Variants in ERBB4 observed in about 807,000 individuals in gnomAD.
The protein encoded by ERBB4 is erb-b2 receptor tyrosine kinase 4, also known as receptor tyrosine-protein kinase erbB-4.
A neutral mutation model predicts 158.0 loss-of-function variants in ERBB4; 42 were observed. That is an observed-to-expected ratio of 0.27 (90% CI 0.21 to 0.34). The LOEUF is 0.34. ERBB4 is among the 10% of genes least tolerant of loss of function. The pLI is 1.00. For missense variants in ERBB4, 1,333 were observed against 1,624.1 expected (o/e 0.82, Z 3.08); for synonymous variants, 583 against 558.7 (o/e 1.04, Z -0.61).
intron 4 of ERBB4, among the ~76,000 whole-genome samples, chr2:211,773,635 T>TATATATA (rs2075789875): frequency 9.9e-6 from 1 of 101,108 alleles, no homozygotes; most frequent in African/African-American, 3.9e-5. Context: ...TATATATATA[T>TATATATA]ATATATATAT....
chr2:211,436,583 C>T (rs1321570360), intron 20 of ERBB4, among the ~76,000 whole-genome samples: 1 of 152,192 alleles, frequency 6.6e-6, no homozygotes. Flanking sequence ...ACCTTTATTA[C>T]TGCTCCATGG....
chr2:212,437,311 A>T (rs1489747075), intron 1 of ERBB4, among the ~76,000 whole-genome samples: 2 of 152,008 alleles, frequency 1.3e-5, no homozygotes, highest in East Asian at 3.9e-4. Context: ...ACCTGCTCTC[A>T]AACTAAAGGA....
rs148929858 is a variant in ERBB4, at chr2:212,211,629, A to AAAAAACC, written c.83-86727_83-86726insGGTTTTT. ...TAAAAAATTTATCTAAAAAAAAAAA[A>AAAAAACC]TGGATACATGTATAGAATGTGCAGG... On this transcript the variant is annotated intron_variant, in intron 1 of 27. Coordinates refer to ENST00000342788, the MANE Select transcript of ERBB4 (RefSeq NM_005235.3). Among the ~76,000 whole-genome samples, 183 of 148,546 alleles carry AAAAAACC rather than the reference A, an allele frequency of 1.2e-3. 2 individuals carry two copies. The highest frequency in any genetic ancestry group is 1.6e-3 in the Non-Finnish European group (108 of 67,338).
At chr2:212,320,541 G>A (rs1253746888) in intron 1 of ERBB4, among the ~76,000 whole-genome samples, 2 of 148,794 alleles carry the variant, frequency 1.3e-5, no homozygotes, top group African/African-American at 2.4e-5. Flanking sequence ...CAAGATTCTG[G>A]CTATTATATT....
chr2:211,983,446 T>C (rs374084239), intron 2 of ERBB4, among the ~76,000 whole-genome samples: 1 of 152,308 alleles, frequency 6.6e-6, no homozygotes, highest in East Asian at 1.9e-4. Context: ...AAGATCATTG[T>C]ATAGCTATAG....
At chr2:211,437,706 G>A (rs958576868) in intron 20 of ERBB4, among the ~76,000 whole-genome samples, 6 of 152,192 alleles carry the variant, frequency 3.9e-5, no homozygotes, top group Non-Finnish European at 7.4e-5. Context: ...AGCTCTCACA[G>A]GCATTAATCT....
At chr2:212,288,554 C>A (rs1235777953) in intron 1 of ERBB4, among the ~76,000 whole-genome samples, 1 of 152,032 alleles carries the variant, frequency 6.6e-6, no homozygotes, top group Non-Finnish European at 1.5e-5. Context: ...CCTGTTGCAG[C>A]ATAGTAACCT....
chr2:211,394,740 C>T (rs2062874565), intron 25 of ERBB4, among the ~76,000 whole-genome samples: 2 of 152,044 alleles, frequency 1.3e-5, no homozygotes, highest in Middle Eastern at 3.4e-3. Context: ...GGTTTTTATC[C>T]TAACCTCATA....
At chr2:212,065,830 A>C (rs1026588052) in intron 2 of ERBB4, among the ~76,000 whole-genome samples, 22 of 152,032 alleles carry the variant, frequency 1.4e-4, no homozygotes, top group African/African-American at 5.3e-4. Context: ...AGCTAGGATT[A>C]ATTTACAGAA....
intron 20 of ERBB4, among the ~76,000 whole-genome samples, chr2:211,512,241 C>G (rs1165786955): frequency 6.6e-6 from 1 of 152,102 alleles, no homozygotes; most frequent in Non-Finnish European, 1.5e-5. Context: ...TGAGTATGAA[C>G]TGAATATCAC....
chr2:211,742,459 A>C (rs1575080988), intron 5 of ERBB4, among the ~76,000 whole-genome samples: 1 of 152,354 alleles, frequency 6.6e-6, no homozygotes, highest in South Asian at 2.1e-4. Context: ...ACAAAAATAT[A>C]TAATCATTTT....
At chr2:212,243,207 A>T (rs1242894161) in intron 1 of ERBB4, among the ~76,000 whole-genome samples, 1 of 152,168 alleles carries the variant, frequency 6.6e-6, no homozygotes, top group African/African-American at 2.4e-5. Context: ...TTCAAAAAAA[A>T]TTTTAAGGGC....
intron 1 of ERBB4, among the ~76,000 whole-genome samples, chr2:212,302,933 G>A (rs948653409): frequency 4.6e-5 from 7 of 151,362 alleles, no homozygotes; most frequent in Admixed American, 2.6e-4. Context: ...CTGAAAAGGT[G>A]TTTAGGAAGA....
At chr2:211,518,795 T>A (rs7599979) in intron 20 of ERBB4, among the ~76,000 whole-genome samples, 43,398 of 151,980 alleles carry the variant, frequency 0.29, 6,188 homozygotes, top group Middle Eastern at 0.41. Context: ...AAAATGGCCA[T>A]AATTATTGAA....
At chr2:212,153,587 T>A (rs573327794) in intron 1 of ERBB4, among the ~76,000 whole-genome samples, 3 of 152,316 alleles carry the variant, frequency 2.0e-5, no homozygotes, top group East Asian at 3.9e-4. Context: ...TATTGTTGTT[T>A]TATTTCTCTT....
intron 1 of ERBB4, among the ~76,000 whole-genome samples, chr2:212,403,008 A>G (rs570711092): frequency 3.3e-5 from 5 of 152,186 alleles, no homozygotes; most frequent in African/African-American, 1.2e-4. Context: ...AAATAAGACT[A>G]ATTATATCTA....
chr2:211,587,960 G>A (rs557714575), intron 19 of ERBB4, among the ~76,000 whole-genome samples: 1 of 152,238 alleles, frequency 6.6e-6, no homozygotes, highest in Admixed American at 6.5e-5. Flanking sequence ...AACACCCAAA[G>A]TTCTAGCAAT....
At chr2:212,015,085 T>A (rs867734410) in intron 2 of ERBB4, among the ~76,000 whole-genome samples, 5,598 of 10,618 alleles carry the variant, frequency 0.53, 2,531 homozygotes, top group Middle Eastern at 1. Context: ...TATATATATA[T>A]ATATATATAT....
chr2:211,723,053 A>G (rs909788007), intron 6 of ERBB4, among the ~76,000 whole-genome samples: 6 of 152,244 alleles, frequency 3.9e-5, no homozygotes, highest in African/African-American at 1.4e-4. Context: ...ATACAAATAC[A>G]GTGCATGTAA....
Sources: gnomAD v4.1 joint callset for allele counts (sites outside exome capture counted in the v4.1 genomes callset) on GRCh38, gnomAD v4.1.1 for gene constraint, MANE v1.5 for transcripts, NCBI Gene and HGNC (gene_info 2026-07-23, HGNC 2026-07-21) for gene names.